The following CCDC88A variants were observed in gnomAD, a reference collection of about 807,000 sequenced individuals.
CCDC88A encodes the protein girdin.
Under a neutral mutation model 234.3 loss-of-function variants are expected in CCDC88A, and 54 were observed. That is an observed-to-expected ratio of 0.23 (90% CI 0.19 to 0.29). CCDC88A has a LOEUF of 0.29. Among genes scored for constraint, CCDC88A ranks in the 10% least tolerant of loss-of-function variants. CCDC88A has a pLI of 1.00. For synonymous variants in CCDC88A, 753 were observed against 737.8 expected (o/e 1.02, Z -0.33); for missense variants, 1,832 against 2,123.4 (o/e 0.86, Z 2.70).
chr2:55,394,697 T>C (rs1300928211), intron 2 of CCDC88A: 3 of 147,688 alleles, frequency 2.0e-5, no homozygotes, highest in African/African-American at 7.4e-5. Flanking sequence ...TTAGGAGATA[T>C]ACCTAATGCT....
In CCDC88A at chr2:55,335,317, GT is replaced by G. The variant is rs1685346663; in HGVS notation, c.1657-154del. ...TGACAAGTATTTACTGAAGACCACT[GT>G]GTACACTTACTGTGAGGTCATTTAC... On this transcript the variant is annotated intron_variant, in intron 14 of 32. Transcript: ENST00000436346. The surrounding 1 kb of genome is among the most constrained non-coding windows in gnomAD (Gnocchi z 4.5). Among the ~76,000 whole-genome samples the G allele has an allele frequency of 2.0e-5, 1 of 50,568 alleles. No homozygotes were observed. The highest frequency in any genetic ancestry group is 1.4e-4 in the African/African-American group (1 of 7,302). 33.2% of individuals were successfully genotyped at this position (50,568 alleles called of 152,430 possible).
Position 55,317,841 on chromosome 2 carries a change from C to G in CCDC88A, c.3325G>C (p.Val1109Leu). 6.3e-7 allele frequency: 1 copy of G among 1,590,186 alleles called. No individual in the cohort carries two copies. Among genetic ancestry groups the G allele is most frequent in the Non-Finnish European group, 8.6e-7 (1 of 1,164,026 alleles). ...TGGGAATTAAGGGTGGAATTTTCAA[C>G]CTATAAGAATATATATTGTTATCAG... is the stretch of plus-strand genomic sequence containing the variant. Reference protein sequence around the residue: ...TLQTQNAKLQVENSTLNSQST... With the variant: ...TLQTQNAKLQLENSTLNSQST... The change falls in exon 20 of 33, where the codon GTT (valine) becomes CTT (leucine). Residue 1109 changes from valine (V) to leucine (L), a missense_variant and splice_region_variant. Transcript: ENST00000436346. The surrounding 1 kb of genome is among the most constrained non-coding windows in gnomAD (Gnocchi z 4.2).
intron 2 of CCDC88A, among the ~76,000 whole-genome samples, chr2:55,390,030 G>C (rs1462390940): frequency 1.3e-4 from 1 of 7,508 alleles, no homozygotes; most frequent in Non-Finnish European, 4.5e-4. Context: ...TACAGAGCGA[G>C]ACTCAAAAAA....
intron 29 of CCDC88A, 199 bp from the exon 30 acceptor site, chr2:55,296,722 G>T: frequency 1.7e-6 from 1 of 592,220 alleles, no homozygotes; most frequent in Non-Finnish European, 2.9e-6. Context: ...TCCTTATTTT[G>T]TCAAACTGAC....
rs529759398 is a variant in CCDC88A, at chr2:55,346,280, T to C, written c.936A>G (p.Leu312=). ...TGACTGCTTTCTCTCGAAGTGCATC[T>C]AATTCATCTCGGTACATTCTGGCAG... The part of the protein sequence containing the change: ...ARSARMYRDE[L]DALREKAVRV... Residue 312 remains leucine (L), a synonymous_variant, in exon 10 of 33, where the codon TTA becomes TTG. Coordinates refer to ENST00000436346, the MANE Select transcript of CCDC88A (RefSeq NM_001365480.1). The C allele has an allele frequency of 1.2e-6, 2 of 1,611,692 alleles. No homozygotes were observed. The highest frequency in any genetic ancestry group is 2.2e-5 in the South Asian group (2 of 90,862).
At chr2:55,369,002 T>G (rs1325846171) in intron 5 of CCDC88A, among the ~76,000 whole-genome samples, 1 of 152,184 alleles carries the variant, frequency 6.6e-6, no homozygotes, top group Non-Finnish European at 1.5e-5. Flanking sequence ...TTTTATATTA[T>G]TAGTAGTAGT....
At chr2:55,349,327 T>C (rs1046536413) in intron 9 of CCDC88A, 191 bp downstream of exon 9, 3 of 568,244 alleles carry the variant, frequency 5.3e-6, no homozygotes, top group Non-Finnish European at 9.2e-6. Flanking sequence ...TTGAACAGCA[T>C]TAATATGGAA....
intron 8 of CCDC88A, among the ~76,000 whole-genome samples, chr2:55,353,980 A>G (rs532373811): frequency 3.9e-5 from 6 of 152,326 alleles, no homozygotes; most frequent in African/African-American, 1.4e-4. Flanking sequence ...CTATATACCT[A>G]GGCTATATGG....
intron 23 of CCDC88A, among the ~76,000 whole-genome samples, chr2:55,310,560 G>A (rs1390912526): frequency 4.0e-5 from 6 of 151,646 alleles, no homozygotes; most frequent in Admixed American, 3.9e-4. Context: ...CAGCCTGGCT[G>A]ACAGAGCAAG....
chr2:55,414,804 G>A (rs1337925953), intron 2 of CCDC88A, among the ~76,000 whole-genome samples: 1 of 152,138 alleles, frequency 6.6e-6, no homozygotes, highest in East Asian at 1.9e-4. Context: ...GGTGGCTAAT[G>A]CCTGTAATCC....
intron 11 of CCDC88A, 130 bp from the exon 12 acceptor site, chr2:55,343,922 A>G: frequency 1.3e-6 from 1 of 742,120 alleles, no homozygotes; most frequent in Non-Finnish European, 2.1e-6. Context: ...TAAATTTTTC[A>G]GTTTTGAAGG....
intron 2 of CCDC88A, among the ~76,000 whole-genome samples, chr2:55,412,921 G>A (rs181886815): frequency 2.6e-5 from 4 of 152,212 alleles, no homozygotes; most frequent in African/African-American, 4.8e-5. Context: ...CTAAGCTGTC[G>A]GCCAGGCGCA....
intron 29 of CCDC88A, among the ~76,000 whole-genome samples, chr2:55,298,873 CAAAAAAAAAA>C (rs70949101): frequency 1.0e-5 from 1 of 95,376 alleles, no homozygotes; most frequent in Non-Finnish European, 2.1e-5. Flanking sequence ...GAACCCGTCT[CAAAAAAAAAA>C]AAAAAAAAAA....
chr2:55,366,125 T>C (rs1360337834), intron 5 of CCDC88A, among the ~76,000 whole-genome samples: 3 of 152,326 alleles, frequency 2.0e-5, no homozygotes, highest in African/African-American at 7.2e-5. Context: ...CTCTCTTATC[T>C]TTATGTAAAG....
intron 2 of CCDC88A, among the ~76,000 whole-genome samples, chr2:55,400,511 T>A (rs1389142036): frequency 1.3e-5 from 2 of 152,202 alleles, no homozygotes; most frequent in Admixed American, 6.5e-5. Flanking sequence ...GATCTACTTA[T>A]GACAAGTTGC....
intron 17 of CCDC88A, among the ~76,000 whole-genome samples, chr2:55,326,771 A>G (rs13414713): frequency 0.022 from 3,285 of 152,248 alleles, 133 homozygotes; most frequent in African/African-American, 0.074. Flanking sequence ...GGGTTTCACC[A>G]TGTCAGCAAG....
chr2:55,410,402 T>C (rs557189418), intron 2 of CCDC88A, among the ~76,000 whole-genome samples: 1 of 152,200 alleles, frequency 6.6e-6, no homozygotes, highest in Non-Finnish European at 1.5e-5. Context: ...TTTCAAGTCA[T>C]TATGAAGGTA....
chr2:55,369,733 T>C (rs1672552493), intron 5 of CCDC88A, among the ~76,000 whole-genome samples: 1 of 152,252 alleles, frequency 6.6e-6, no homozygotes, highest in African/African-American at 2.4e-5. Flanking sequence ...CCACACTTCA[T>C]GTTCCTTGAA....
At chr2:55,389,814 G>C (rs1316142485) in intron 2 of CCDC88A, among the ~76,000 whole-genome samples, 1 of 151,854 alleles carries the variant, frequency 6.6e-6, no homozygotes, top group African/African-American at 2.4e-5. Flanking sequence ...GCCCAGGCTG[G>C]TGGATCACCT....
Sources: allele counts gnomAD v4.1 joint callset (sites outside exome capture counted in the v4.1 genomes callset), GRCh38; gene constraint gnomAD v4.1.1; non-coding constraint Gnocchi (gnomAD v3.1); transcripts MANE v1.5; gene names NCBI Gene and HGNC (gene_info 2026-07-23, HGNC 2026-07-21).